ASAP1: variants seen among roughly 807,000 people sequenced by gnomAD.
The protein encoded by ASAP1 is arf-GAP with SH3 domain, ANK repeat and PH domain-containing protein 1.
A neutral mutation model predicts 145.2 loss-of-function variants in ASAP1; 43 were observed. The ratio of observed to expected loss-of-function variants is 0.30; its 90% CI spans 0.23 to 0.38. The LOEUF (loss-of-function observed/expected upper bound fraction) is 0.38, where lower values mean the gene tolerates loss of function less well. ASAP1 is among the 10% of genes least tolerant of loss of function. The pLI, the probability that ASAP1 is intolerant of heterozygous loss-of-function variation, is 1.00. For synonymous variants in ASAP1, 546 were observed against 515.5 expected (o/e 1.06, Z -0.80); for missense variants, 1,018 against 1,355.3 (o/e 0.75, Z 3.91).
At chr8:130,138,825 A>G (rs948712534) in intron 13 of ASAP1, among the ~76,000 whole-genome samples, 1 of 148,548 alleles carries the variant, frequency 6.7e-6, no homozygotes, top group African/African-American at 2.5e-5. Context: ...AACAAGAGTG[A>G]AACTCCGTCT....
chr8:130,143,792 T>C (rs1291467960), intron 13 of ASAP1, among the ~76,000 whole-genome samples: 2 of 152,232 alleles, frequency 1.3e-5, no homozygotes, highest in Admixed American at 6.5e-5. Flanking sequence ...GTGTGCACCA[T>C]GGTTCCAGTG....
At chr8:130,145,478 C>T (rs1157116079) in intron 13 of ASAP1, among the ~76,000 whole-genome samples, 6 of 151,978 alleles carry the variant, frequency 3.9e-5, no homozygotes, top group South Asian at 2.1e-4. Flanking sequence ...CCACCACACC[C>T]GGCTACTTTT....
intron 3 of ASAP1, among the ~76,000 whole-genome samples, chr8:130,237,345 C>T (rs2136675551): frequency 6.6e-6 from 1 of 152,154 alleles, no homozygotes; most frequent in Admixed American, 6.6e-5. Flanking sequence ...AAAAGGCAAG[C>T]ATAGACATGA....
chr8:130,111,210 CAAAAAAA>C (rs768575084), intron 24 of ASAP1, among the ~76,000 whole-genome samples: 1 of 41,698 alleles, frequency 2.4e-5, no homozygotes, highest in Admixed American at 3.5e-4. Context: ...TCATCTCTAC[CAAAAAAA>C]AAAAAAAAAA....
At chr8:130,277,404 G>T (rs1354553351) in intron 3 of ASAP1, among the ~76,000 whole-genome samples, 1 of 152,220 alleles carries the variant, frequency 6.6e-6, no homozygotes, top group African/African-American at 2.4e-5. Flanking sequence ...AGATGAAGCA[G>T]ATGAAGTTGA....
At chr8:130,286,813 C>A (rs954448054) in intron 3 of ASAP1, among the ~76,000 whole-genome samples, 1 of 152,168 alleles carries the variant, frequency 6.6e-6, no homozygotes, top group African/African-American at 2.4e-5. Flanking sequence ...ACTTTAACAC[C>A]TTTGTGCTTA....
intron 3 of ASAP1, among the ~76,000 whole-genome samples, chr8:130,325,746 C>T (rs1453295725): frequency 6.6e-6 from 1 of 152,152 alleles, no homozygotes; most frequent in East Asian, 1.9e-4. Context: ...GGGCTAAATG[C>T]TTTTCCAGCA....
intron 2 of ASAP1, among the ~76,000 whole-genome samples, chr8:130,382,425 T>C (rs1827824143): frequency 6.6e-6 from 1 of 151,934 alleles, no homozygotes; most frequent in African/African-American, 2.4e-5. Context: ...AGGTGCTTAA[T>C]AAAGATGTGT....
intron 13 of ASAP1, among the ~76,000 whole-genome samples, chr8:130,142,874 GGGT>G (rs1164083765): frequency 6.6e-6 from 1 of 152,132 alleles, no homozygotes; most frequent in African/African-American, 2.4e-5. Flanking sequence ...TTTCACGGTG[GGGT>G]GGTGGGGGGG....
intron 27 of ASAP1, among the ~76,000 whole-genome samples, chr8:130,065,080 TA>T (rs1241334060): frequency 1.3e-5 from 2 of 152,054 alleles, no homozygotes; most frequent in African/African-American, 4.8e-5. Context: ...AAGGTCTCAT[TA>T]TGTTACCCGG....
Position 130,115,676 on chromosome 8 carries a change from A to G in ASAP1, c.2124T>C (p.Asn708=). The G allele has an allele frequency of 6.2e-7, 1 of 1,614,226 alleles. No homozygotes were observed. The highest frequency in any genetic ancestry group is 1.6e-4 in the Middle Eastern group (1 of 6,062). Residue 708 remains asparagine, a synonymous_variant, in exon 23 of 30, where the codon AAT becomes AAC. Coordinates refer to ENST00000518721, the MANE Select transcript of ASAP1 (RefSeq NM_018482.4). ...NPHVHVEYEW[N]LRQEEIDESD... ...TCTCATCTATCTCCTCCTGTCGAAG[A>G]TTCCACTCATATTCTACGTGGACGT...
At chr8:130,217,123 G>C (rs1011197204) in intron 4 of ASAP1, among the ~76,000 whole-genome samples, 20 of 152,338 alleles carry the variant, frequency 1.3e-4, no homozygotes, top group African/African-American at 4.8e-4. Flanking sequence ...GGCCATGTGA[G>C]TGGAAGTGAT....
intron 3 of ASAP1, among the ~76,000 whole-genome samples, chr8:130,330,185 T>C (rs1824593507): frequency 6.6e-6 from 1 of 152,080 alleles, no homozygotes; most frequent in African/African-American, 2.4e-5. Context: ...GAGAGAGAGA[T>C]TGCTTCATCA....
In ASAP1 at chr8:130,091,995, TG is replaced by T; in HGVS notation, c.2549del (p.Pro850GlnfsTer54). The T allele has an allele frequency of 6.4e-7, 1 of 1,559,456 alleles. No homozygotes were observed. Among genetic ancestry groups the T allele is most frequent in the Admixed American group, 2.1e-5 (1 of 47,686 alleles). On this transcript the variant is annotated frameshift_variant, in exon 25 of 30. Transcript: ENST00000518721. LOFTEE classifies it high-confidence loss of function. ...DPPSPLPHGP[P>X]NKGAVPWGND... The stretch of plus-strand genomic sequence containing the variant: ...TACCCCAAGGAACTGCGCCTTTGTT[TG>T]GGGGCCCATGAGGTAGTGGGCTGGG...
chr8:130,059,146 A>G (rs915348607), intron 28 of ASAP1, among the ~76,000 whole-genome samples: 9 of 151,384 alleles, frequency 5.9e-5, no homozygotes, highest in Non-Finnish European at 1.3e-4. Context: ...TTGATATGAC[A>G]CACTTTTACT....
intron 7 of ASAP1, among the ~76,000 whole-genome samples, chr8:130,186,452 TA>T (rs1814737365): frequency 6.6e-6 from 1 of 152,302 alleles, no homozygotes; most frequent in South Asian, 2.1e-4. Flanking sequence ...TTAAAAGCTT[TA>T]AAAATACATA....
rs751173614 is a variant in ASAP1, at chr8:130,060,650, A to G, written c.3121T>C (p.Ser1041Pro). 2.5e-6 allele frequency: 4 copies of G among 1,614,062 alleles called. No individual in the cohort carries two copies. The South Asian group carries it at 4.4e-5, about 18-fold the overall frequency. ...GGCGTGAGGTCGTTGGAGTCTTCAG[A>G]TGCTTGCTTTTGGATGGCGTCTCTG... ...QSRDAIQKQA[S>P]EDSNDLTPTL... The change falls in exon 28 of 30, where the codon TCT becomes CCT. Residue 1041 changes from serine (S) to proline (P), a missense_variant. Coordinates refer to ENST00000518721, the MANE Select transcript of ASAP1 (RefSeq NM_018482.4).
intron 13 of ASAP1, among the ~76,000 whole-genome samples, chr8:130,138,102 G>A (rs968489262): frequency 6.6e-6 from 1 of 152,190 alleles, no homozygotes; most frequent in Admixed American, 6.5e-5. Context: ...GAGAGGGGGA[G>A]GGAGTTAGAG....
chr8:130,073,740 T>C (rs1201214216), intron 27 of ASAP1, among the ~76,000 whole-genome samples: 1 of 152,080 alleles, frequency 6.6e-6, no homozygotes, highest in African/African-American at 2.4e-5. Flanking sequence ...AAAGAGAGGA[T>C]GGATGGATCA....
Sources: gnomAD v4.1 joint callset for allele counts (sites outside exome capture counted in the v4.1 genomes callset) on GRCh38, gnomAD v4.1.1 for gene constraint, MANE v1.5 for transcripts, NCBI Gene and HGNC (gene_info 2026-07-23, HGNC 2026-07-21) for gene names.